Variants in KIDINS220 observed in about 807,000 individuals in gnomAD.
KIDINS220 encodes kinase D-interacting substrate of 220 kDa.
A neutral mutation model predicts 157.6 loss-of-function variants in KIDINS220; 63 were observed. The observed-to-expected ratio is 0.40, with a 90% confidence interval of 0.33 to 0.49. KIDINS220 has a LOEUF of 0.49. Ranked by LOEUF, KIDINS220 falls within the 20% of genes least tolerant of loss-of-function variation. KIDINS220 has a pLI of 0.66. For synonymous variants in KIDINS220, 732 were observed against 783.6 expected (o/e 0.93, Z 1.10); for missense variants, 1,772 against 2,171.2 (o/e 0.82, Z 3.65).
chr2:8,801,774 C>CA (rs1449206533), intron 8 of KIDINS220, among the ~76,000 whole-genome samples: 1 of 152,088 alleles, frequency 6.6e-6, no homozygotes, highest in African/African-American at 2.4e-5. Flanking sequence ...GGCGTGGTGG[C>CA]ATGCACCTGT....
At chr2:8,828,182 T>C (rs1452303914) in intron 1 of KIDINS220, among the ~76,000 whole-genome samples, 1 of 152,244 alleles carries the variant, frequency 6.6e-6, no homozygotes, top group African/African-American at 2.4e-5. Context: ...CCTGGCTGCA[T>C]GGCCACACTG....
At chr2:8,778,254 G>A (rs75282427) in intron 20 of KIDINS220, among the ~76,000 whole-genome samples, 8,072 of 152,274 alleles carry the variant, frequency 0.053, 321 homozygotes, top group Non-Finnish European at 0.087. Context: ...CTGGCCAACA[G>A]GAAGACAAAG....
intron 15 of KIDINS220, among the ~76,000 whole-genome samples, chr2:8,786,618 G>A (rs1672432421): frequency 6.6e-6 from 1 of 152,148 alleles, no homozygotes; most frequent in African/African-American, 2.4e-5. Flanking sequence ...AGGACAGGCG[G>A]GGGAAAGTTA....
chr2:8,737,678 T>C (rs998477045), intron 26 of KIDINS220, among the ~76,000 whole-genome samples: 8 of 152,254 alleles, frequency 5.3e-5, no homozygotes, highest in African/African-American at 9.6e-5. Flanking sequence ...CTAGTATTTA[T>C]TTAGAAGAAA....
chr2:8,742,796 A>T (rs1289018479), intron 26 of KIDINS220, among the ~76,000 whole-genome samples: 2 of 151,970 alleles, frequency 1.3e-5, no homozygotes, highest in Non-Finnish European at 2.9e-5. Flanking sequence ...CGCCTCTTAC[A>T]CTCAATAAAT....
chr2:8,781,920 G>A (rs980038453), intron 17 of KIDINS220, among the ~76,000 whole-genome samples: 2 of 152,062 alleles, frequency 1.3e-5, no homozygotes, highest in Non-Finnish European at 2.9e-5. Context: ...TCAGGAGTTC[G>A]AGACCAGTGT....
In KIDINS220 at chr2:8,800,508, C is replaced by A; in HGVS notation, c.802-10G>T. 3 of 1,578,022 alleles carry A rather than the reference C, an allele frequency of 1.9e-6. No individual in the cohort carries two copies. ...ACACAGTATCCCCACTCTAAGAAGA[C>A]AGAAAATAAAAACAAAAACAAGGTA... On this transcript the variant is annotated splice_polypyrimidine_tract_variant and intron_variant, in intron 8 of 29. Transcript: ENST00000256707.
At chr2:8,763,779 A>T (rs1669092754) in intron 22 of KIDINS220, among the ~76,000 whole-genome samples, 1 of 152,202 alleles carries the variant, frequency 6.6e-6, no homozygotes. Flanking sequence ...TAGTCAATCC[A>T]AAGCAACTCC....
intron 26 of KIDINS220, among the ~76,000 whole-genome samples, chr2:8,744,382 AAAAAAAATATATATATAT>A (rs1666152334): frequency 1.0e-3 from 30 of 28,654 alleles, no homozygotes; most frequent in South Asian, 2.0e-3. Context: ...AAAAAAAAAA[AAAAAAAATATATATATAT>A]AATATATATA....
chr2:8,778,810 T>G, intron 19 of KIDINS220, 83 bp from the exon 20 acceptor site: 1 of 1,594,904 alleles, frequency 6.3e-7, no homozygotes, highest in Middle Eastern at 1.7e-4. Flanking sequence ...ACAACAACAA[T>G]ATTTTTCAAG....
chr2:8,809,945 A>T (rs531536958), intron 6 of KIDINS220, among the ~76,000 whole-genome samples: 23 of 152,100 alleles, frequency 1.5e-4, no homozygotes, highest in Admixed American at 3.3e-4. Context: ...TCCAAGACTC[A>T]CCCAAAGGTA....
rs551441682 is a variant in KIDINS220, at chr2:8,810,286, C to G, written c.504+2109G>C. Among the ~76,000 whole-genome samples the G allele has an allele frequency of 5.3e-5, 8 of 152,292 alleles. 1 individual carries two copies. Among genetic ancestry groups the G allele is most frequent in the African/African-American group, 1.9e-4 (8 of 41,562 alleles). On this transcript the variant is annotated intron_variant, in intron 6 of 29. Coordinates refer to ENST00000256707, the MANE Select transcript of KIDINS220 (RefSeq NM_020738.4). The stretch of plus-strand genomic sequence containing the variant: ...TCTCCCTGCTTCTCTAAACAGAGAT[C>G]ATTTTTTCTTTGTTTTTGTATCTTC...
At chr2:8,744,204 C>T (rs887330097) in intron 26 of KIDINS220, among the ~76,000 whole-genome samples, 3 of 138,916 alleles carry the variant, frequency 2.2e-5, no homozygotes, top group African/African-American at 7.9e-5. Flanking sequence ...TATATAAAAC[C>T]TCACTTCTGT....
At chr2:8,792,307 C>G (rs1418947717) in intron 12 of KIDINS220, among the ~76,000 whole-genome samples, 1 of 152,112 alleles carries the variant, frequency 6.6e-6, no homozygotes, top group African/African-American at 2.4e-5. Flanking sequence ...AATCCATGAC[C>G]ATCAACCAAG....
rs144329227 is a variant in KIDINS220, at chr2:8,817,767, CA to C, written c.208-52del. ...CATTTTCAAACCAAAAATAACACGT[CA>C]AAGTAAGGAAAACTACATTTGAACT... On this transcript the variant is annotated intron_variant, in intron 3 of 29. Coordinates refer to ENST00000256707, the MANE Select transcript of KIDINS220 (RefSeq NM_020738.4). 5.1e-4 allele frequency: 639 copies of C among 1,256,196 alleles called. 4 individuals carry two copies. In the African/African-American group the frequency reaches 8.9e-3, roughly 18 times the overall value. 77.8% of individuals were successfully genotyped at this position (1,256,196 alleles called of 1,614,324 possible).
intron 2 of KIDINS220, among the ~76,000 whole-genome samples, chr2:8,821,548 G>T (rs905793775): frequency 6.6e-6 from 1 of 152,192 alleles, no homozygotes; most frequent in African/African-American, 2.4e-5. Context: ...GTGAGGACTG[G>T]CCAGAAAGAA....
At chr2:8,784,625 A>C (rs1289904326) in intron 17 of KIDINS220, among the ~76,000 whole-genome samples, 1 of 152,242 alleles carries the variant, frequency 6.6e-6, no homozygotes, top group Non-Finnish European at 1.5e-5. Flanking sequence ...AATTCACCAA[A>C]GAAGACATAC....
intron 22 of KIDINS220, among the ~76,000 whole-genome samples, chr2:8,757,015 C>A (rs1424223231): frequency 6.6e-6 from 1 of 151,874 alleles, no homozygotes; most frequent in African/African-American, 2.4e-5. Context: ...AGCTTTTAAA[C>A]AAAACAGCTT....
chr2:8,768,563 G>A (rs148771740), intron 22 of KIDINS220, among the ~76,000 whole-genome samples: 4 of 151,870 alleles, frequency 2.6e-5, no homozygotes, highest in Admixed American at 6.6e-5. Flanking sequence ...AAAAATAAAC[G>A]AGGCTTTTTA....
Sources: allele counts gnomAD v4.1 joint callset (sites outside exome capture counted in the v4.1 genomes callset), GRCh38; gene constraint gnomAD v4.1.1; transcripts MANE v1.5; gene names NCBI Gene and HGNC (gene_info 2026-07-23, HGNC 2026-07-21).